Variants in FBXL2 observed in about 807,000 individuals in gnomAD.
FBXL2 encodes F-box/LRR-repeat protein 2.
FBXL2 carries 38 observed loss-of-function variants against 69.2 expected under a neutral mutation model. The observed-to-expected ratio is 0.55, with a 90% CI of 0.42 to 0.72. The LOEUF is 0.72. FBXL2 is among the 30% of genes least tolerant of loss of function. The probability of loss-of-function intolerance (pLI) is 0.00; values close to 1 mark genes in which losing one functional copy is unlikely to be tolerated. For missense variants in FBXL2, 354 were observed against 520.3 expected (o/e 0.68, Z 3.11); for synonymous variants, 192 against 201.3 (o/e 0.95, Z 0.39).
In FBXL2 at chr3:33,364,535, T is replaced by C. The variant is rs908204629; in HGVS notation, c.196-90T>C. The C allele has an allele frequency of 8.0e-6, 9 of 1,129,896 alleles. No individual in the cohort carries two copies. The African/African-American group carries it at 1.2e-4, about 15-fold the overall frequency. 70.0% of individuals were successfully genotyped at this position (1,129,896 alleles called of 1,614,324 possible). On this transcript the variant is annotated intron_variant, in intron 4 of 14. Transcript: ENST00000484457. ...ATTTTCTGTTACACTTGGAAAAATA[T>C]ATTCAGTTCCTAGATTTCAGGTTAT...
chr3:33,363,121 A>G (rs2041742121), intron 4 of FBXL2, among the ~76,000 whole-genome samples: 1 of 151,964 alleles, frequency 6.6e-6, no homozygotes, highest in Non-Finnish European at 1.5e-5. Context: ...GCTCACTACA[A>G]CCTCTGCCTC....
chr3:33,408,227 C>T (rs1450432226), downstream of FBXL2, among the ~76,000 whole-genome samples: 1 of 152,134 alleles, frequency 6.6e-6, no homozygotes, highest in Non-Finnish European at 1.5e-5. Context: ...GTGTTAATGT[C>T]AAGCTTGCTG....
Position 33,288,927 on chromosome 3 carries a change from TC to T in FBXL2, c.4-8735del, listed in dbSNP as rs1264446411. 3.3e-5 allele frequency among the ~76,000 whole-genome samples: 5 copies of T among 152,236 alleles called. No homozygotes were observed. The East Asian group carries it at 9.6e-4, about 29-fold the overall frequency. ...GACTGTGGCATTTTTGTTGCAGTAA[TC>T]CATAGGATTAGCTGATGGATTGGTT... On this transcript the variant is annotated intron_variant, in intron 1 of 14. Transcript: ENST00000484457.
the FBXL2 span, among the ~76,000 whole-genome samples, chr3:33,416,601 C>G: frequency 0.065 from 9,944 of 152,162 alleles, 1,090 homozygotes; most frequent in African/African-American, 0.22. Flanking sequence ...CCAATAACTG[C>G]TATAATTCCC....
intron 1 of FBXL2, among the ~76,000 whole-genome samples, chr3:33,290,877 G>A (rs1357040045): frequency 6.6e-6 from 1 of 151,642 alleles, no homozygotes; most frequent in Non-Finnish European, 1.5e-5. Flanking sequence ...AAGGTGAACA[G>A]TAATATGAAT....
intron 2 of FBXL2, among the ~76,000 whole-genome samples, chr3:33,336,633 G>T (rs925303678): frequency 4.6e-5 from 7 of 152,176 alleles, no homozygotes; most frequent in African/African-American, 1.4e-4. Context: ...ACAACTGAGC[G>T]CAGTGACTCA....
Position 33,387,997 on chromosome 3 carries a change from G to C in FBXL2, c.*2389G>C, listed in dbSNP as rs1280191209. The C allele has an allele frequency of 6.6e-6, 1 of 151,010 alleles. No individual in the cohort carries two copies. Among genetic ancestry groups the C allele is most frequent in the African/African-American group, 2.4e-5 (1 of 40,908 alleles). The allele number at this position is 151,010 out of a possible 1,614,324, so 9.4% of individuals were successfully genotyped here. ...AGGCAGAAGAATGGCGTGAACCCGG[G>C]AGGCAGAGCTTGCAGTGAGCCGAGA... On this transcript the variant is annotated 3_prime_UTR_variant, in exon 15 of 15. Coordinates refer to ENST00000484457, the MANE Select transcript of FBXL2 (RefSeq NM_012157.5).
intron 1 of FBXL2, among the ~76,000 whole-genome samples, chr3:33,285,539 G>A (rs1034399873): frequency 6.6e-5 from 10 of 152,248 alleles, no homozygotes; most frequent in Non-Finnish European, 1.0e-4. Context: ...TCTTCTCAAG[G>A]ATTATCTTTG....
At chr3:33,412,513 G>A in the FBXL2 span, among the ~76,000 whole-genome samples, 2 of 151,528 alleles carry the variant, frequency 1.3e-5, no homozygotes, top group Non-Finnish European at 2.9e-5. Context: ...AAGACGGGAG[G>A]TAGAGGTTGC....
chr3:33,279,946 C>T (rs1335801077), intron 1 of FBXL2, among the ~76,000 whole-genome samples: 1 of 152,134 alleles, frequency 6.6e-6, no homozygotes, highest in Admixed American at 6.6e-5. Flanking sequence ...TTCTCTCAAC[C>T]TGTTTATGGA....
chr3:33,283,930 C>A (rs1322130303), intron 1 of FBXL2, among the ~76,000 whole-genome samples: 7 of 151,624 alleles, frequency 4.6e-5, no homozygotes, highest in Non-Finnish European at 1.0e-4. Context: ...CTATTTGATT[C>A]TTCTCTCTTT....
chr3:33,389,721 C>CA (rs2043682013), downstream of FBXL2: 1 of 152,812 alleles, frequency 6.5e-6, no homozygotes, highest in Non-Finnish European at 1.5e-5. Context: ...CAGTTTGCTT[C>CA]AAGCCCATCT....
intron 2 of FBXL2, among the ~76,000 whole-genome samples, chr3:33,306,289 C>T (rs996859014): frequency 6.6e-6 from 1 of 151,984 alleles, no homozygotes; most frequent in African/African-American, 2.4e-5. Flanking sequence ...AATATATAGT[C>T]AGAGAACTAC....
chr3:33,342,482 G>A (rs2040106842), intron 2 of FBXL2, among the ~76,000 whole-genome samples: 1 of 151,032 alleles, frequency 6.6e-6, no homozygotes, highest in African/African-American at 2.4e-5. Flanking sequence ...CCTCAATTAC[G>A]AAAAAATAGA....
chr3:33,331,435 A>C (rs1267168133), intron 2 of FBXL2, among the ~76,000 whole-genome samples: 1 of 152,048 alleles, frequency 6.6e-6, no homozygotes, highest in African/African-American at 2.4e-5. Flanking sequence ...ATATGTGACC[A>C]CTACACCATG....
chr3:33,303,590 A>G (rs762544879), intron 2 of FBXL2, among the ~76,000 whole-genome samples: 19 of 152,196 alleles, frequency 1.2e-4, no homozygotes, highest in Non-Finnish European at 2.2e-4. Context: ...AGCAAATTAT[A>G]TTAGAGATCT....
chr3:33,373,994 T>G (rs2042470251), intron 9 of FBXL2, 73 bp downstream of exon 9: 7 of 1,429,998 alleles, frequency 4.9e-6, no homozygotes, highest in Non-Finnish European at 5.9e-6. Flanking sequence ...CAGGCCTCCC[T>G]GCAGCCCCCT....
At chr3:33,356,348 G>GT (rs2041198684) in intron 2 of FBXL2, among the ~76,000 whole-genome samples, 2 of 151,606 alleles carry the variant, frequency 1.3e-5, no homozygotes, top group Admixed American at 6.6e-5. Context: ...GCTCGAGTTG[G>GT]TTTGTTTTGT....
chr3:33,416,689 T>C, the FBXL2 span: 1 of 1,160,760 alleles, frequency 8.6e-7, no homozygotes, highest in Non-Finnish European at 1.2e-6. Context: ...GTGAAATTAA[T>C]TTTTTTTTAA....
Sources: allele counts gnomAD v4.1 joint callset (sites outside exome capture counted in the v4.1 genomes callset), GRCh38; gene constraint gnomAD v4.1.1; transcripts MANE v1.5; gene names NCBI Gene and HGNC (gene_info 2026-07-23, HGNC 2026-07-21).